SPATA17: variants seen among roughly 807,000 people sequenced by gnomAD.
SPATA17 encodes the protein spermatogenesis associated 17.
A neutral mutation model predicts 62.2 loss-of-function variants in SPATA17; 53 were observed. That is an observed-to-expected ratio of 0.85 (90% CI 0.68 to 1.07). The LOEUF is 1.07. SPATA17 is among the 50% of genes least tolerant of loss of function. The pLI, the probability that SPATA17 is intolerant of heterozygous loss-of-function variation, is 0.00. For synonymous variants in SPATA17, 146 were observed against 146.8 expected (o/e 0.99, Z 0.04); for missense variants, 466 against 425.5 (o/e 1.10, Z -0.84).
chr1:217,633,493 C>CCCA (rs1314791265), intron 1 of SPATA17, among the ~76,000 whole-genome samples: 4 of 149,296 alleles, frequency 2.7e-5, no homozygotes, highest in African/African-American at 7.3e-5. Context: ...GGCCTGTAAT[C>CCCA]CCAGCACGTT....
chr1:217,759,394 G>A (rs962095128), intron 6 of SPATA17, among the ~76,000 whole-genome samples: 1 of 152,052 alleles, frequency 6.6e-6, no homozygotes, highest in African/African-American at 2.4e-5. Context: ...GGGAGGCGGA[G>A]GTGGCAGTGA....
intron 6 of SPATA17, among the ~76,000 whole-genome samples, chr1:217,753,805 C>T (rs952272709): frequency 2.0e-5 from 3 of 152,000 alleles, no homozygotes. Flanking sequence ...AAATGTAGCT[C>T]CAATTTCTTA....
rs562550309 is a variant in SPATA17, at chr1:217,700,762, C to T, written c.395+17401C>T. Reference sequence around the variant, plus strand: ...CCGCCATGGCTAATTTTTTCTTTTTCTTTTTTTTTTTTTTTGTATTTTTAG... The same window carrying T: ...CCGCCATGGCTAATTTTTTCTTTTTTTTTTTTTTTTTTTTTGTATTTTTAG... On this transcript the variant is annotated intron_variant, in intron 5 of 10. Coordinates refer to ENST00000366933, the MANE Select transcript of SPATA17 (RefSeq NM_138796.4). 4.0e-4 allele frequency among the ~76,000 whole-genome samples: 54 copies of T among 134,800 alleles called. 1 individual carries two copies. Among genetic ancestry groups the T allele is most frequent in the Middle Eastern group, 4.1e-3 (1 of 246 alleles). The allele number at this position is 134,800 out of a possible 152,430, so 88.4% of individuals were successfully genotyped here. A position where few individuals can be genotyped will look rare whatever the true frequency, so the allele number is the denominator to read the frequency against.
chr1:217,742,594 C>T (rs1486312190), intron 6 of SPATA17, among the ~76,000 whole-genome samples: 3 of 152,156 alleles, frequency 2.0e-5, no homozygotes, highest in Non-Finnish European at 4.4e-5. Flanking sequence ...GAAGTATAAG[C>T]ACGAAATTTG....
intron 6 of SPATA17, among the ~76,000 whole-genome samples, chr1:217,770,804 C>T (rs566945858): frequency 6.6e-6 from 1 of 151,808 alleles, no homozygotes; most frequent in Non-Finnish European, 1.5e-5. Flanking sequence ...ATTAGAAATA[C>T]GGAATGGTTC....
At position 217,869,375 on chromosome 1, in the gene SPATA17, G is replaced by A. The variant is rs562506230; in HGVS notation, c.*2356G>A. On this transcript the variant is annotated 3_prime_UTR_variant, in exon 11 of 11. Coordinates refer to ENST00000366933, the MANE Select transcript of SPATA17 (RefSeq NM_138796.4). ...GTTCTCATGCAGATGAAGCCTCCAG[G>A]TGGCAGACTTCAGAGAGCATAGATT... The A allele has an allele frequency of 1.1e-4, 16 of 152,214 alleles. No homozygotes were observed. Among genetic ancestry groups the A allele is most frequent in the African/African-American group, 3.6e-4 (15 of 41,546 alleles). The allele number at this position is 152,214 out of a possible 1,614,324, so 9.4% of individuals were successfully genotyped here.
intron 10 of SPATA17, chr1:217,866,793 G>A (rs1293960429): frequency 1.3e-5 from 2 of 151,462 alleles, no homozygotes; most frequent in Non-Finnish European, 2.9e-5. Flanking sequence ...GAAGCTAAGA[G>A]AGGAAGACTT....
At chr1:217,762,421 A>T (rs1286267329) in intron 6 of SPATA17, among the ~76,000 whole-genome samples, 1 of 152,114 alleles carries the variant, frequency 6.6e-6, no homozygotes, top group Non-Finnish European at 1.5e-5. Flanking sequence ...ATGACTCCAC[A>T]TTCTCTTACA....
At chr1:217,687,280 T>A (rs1375298449) in intron 5 of SPATA17, among the ~76,000 whole-genome samples, 3 of 152,178 alleles carry the variant, frequency 2.0e-5, no homozygotes, top group African/African-American at 7.2e-5. Flanking sequence ...ATATTCTCTT[T>A]GAAATTCATT....
At chr1:217,776,140 G>A (rs528416723) in intron 7 of SPATA17, among the ~76,000 whole-genome samples, 23 of 152,240 alleles carry the variant, frequency 1.5e-4, no homozygotes, top group African/African-American at 2.2e-4. Context: ...TAGTAGAGAT[G>A]GGAAATCTTC....
At chr1:217,658,195 T>A in intron 3 of SPATA17, among the ~76,000 whole-genome samples, 1 of 152,144 alleles carries the variant, frequency 6.6e-6, no homozygotes, top group East Asian at 1.9e-4. Context: ...TGGGGCCTGG[T>A]TGGAGGTGTT....
At chr1:217,823,173 C>T (rs1337958523) in intron 9 of SPATA17, among the ~76,000 whole-genome samples, 1 of 151,866 alleles carries the variant, frequency 6.6e-6, no homozygotes, top group Non-Finnish European at 1.5e-5. Context: ...ACACTCCCCA[C>T]CTAGGAACAT....
At chr1:217,757,434 G>C (rs1673074491) in intron 6 of SPATA17, among the ~76,000 whole-genome samples, 1 of 152,166 alleles carries the variant, frequency 6.6e-6, no homozygotes, top group Non-Finnish European at 1.5e-5. Flanking sequence ...AAGGAAGTGA[G>C]AGCAAAGGAT....
chr1:217,760,858 A>G (rs1325972991), intron 6 of SPATA17, among the ~76,000 whole-genome samples: 1 of 152,228 alleles, frequency 6.6e-6, no homozygotes, highest in African/African-American at 2.4e-5. Flanking sequence ...CAAGTAAGTG[A>G]AAACACTAGG....
intron 5 of SPATA17, among the ~76,000 whole-genome samples, chr1:217,707,155 A>G (rs1191298770): frequency 6.6e-6 from 1 of 152,060 alleles, no homozygotes; most frequent in Non-Finnish European, 1.5e-5. Flanking sequence ...GTGAGCCACC[A>G]TGCCTGGCCC....
chr1:217,797,638 A>G (rs918646060), intron 8 of SPATA17, among the ~76,000 whole-genome samples: 2 of 152,098 alleles, frequency 1.3e-5, no homozygotes, highest in East Asian at 3.9e-4. Context: ...TAACATAAAC[A>G]TTTGCTGTTT....
intron 5 of SPATA17, among the ~76,000 whole-genome samples, chr1:217,687,540 G>A (rs1671243420): frequency 6.6e-6 from 1 of 152,104 alleles, no homozygotes; most frequent in Non-Finnish European, 1.5e-5. Context: ...TTTATGTTTA[G>A]ATATGTTTCA....
At chr1:217,754,942 A>G (rs1368952168) in intron 6 of SPATA17, among the ~76,000 whole-genome samples, 1 of 152,148 alleles carries the variant, frequency 6.6e-6, no homozygotes, top group African/African-American at 2.4e-5. Flanking sequence ...ATACTCAAAC[A>G]TTGACTAATG....
intron 7 of SPATA17, among the ~76,000 whole-genome samples, chr1:217,777,480 C>T (rs1044450016): frequency 6.6e-6 from 1 of 152,016 alleles, no homozygotes; most frequent in African/African-American, 2.4e-5. Flanking sequence ...CAGCACACTA[C>T]CACTTCTGCC....
Sources: allele counts gnomAD v4.1 joint callset (sites outside exome capture counted in the v4.1 genomes callset), GRCh38; gene constraint gnomAD v4.1.1; transcripts MANE v1.5; gene names NCBI Gene and HGNC (gene_info 2026-07-23, HGNC 2026-07-21).